Variants in TCF7L2 observed in about 807,000 individuals in gnomAD.
TCF7L2 encodes transcription factor 7-like 2.
In TCF7L2, 23 loss-of-function variants were observed where a neutral mutation model predicts 77.9. The observed-to-expected ratio is 0.30, with a 90% CI of 0.21 to 0.42. The LOEUF (loss-of-function observed/expected upper bound fraction) is 0.42, where lower values mean the gene tolerates loss of function less well. Ranked by LOEUF, TCF7L2 falls within the 10% of genes least tolerant of loss-of-function variation. TCF7L2 has a pLI of 1.00. For missense variants in TCF7L2, 654 were observed against 793.1 expected (o/e 0.82, Z 2.11); for synonymous variants, 413 against 340.2 (o/e 1.21, Z -2.36).
chr10:113,082,372 G>A (rs951708470), intron 5 of TCF7L2, among the ~76,000 whole-genome samples: 12 of 151,080 alleles, frequency 7.9e-5, no homozygotes, highest in Non-Finnish European at 1.5e-4. Flanking sequence ...TCCCTGTACT[G>A]TTTATGATAC....
chr10:113,163,594 T>A (rs2073544686), intron 13 of TCF7L2, among the ~76,000 whole-genome samples: 1 of 152,174 alleles, frequency 6.6e-6, no homozygotes, highest in Non-Finnish European at 1.5e-5. Flanking sequence ...TTTAAAACTC[T>A]GAGAGGCTTA....
At chr10:113,027,397 G>A (rs182468430) in intron 4 of TCF7L2, among the ~76,000 whole-genome samples, 5 of 152,242 alleles carry the variant, frequency 3.3e-5, no homozygotes, top group African/African-American at 9.6e-5. Flanking sequence ...GCCTGTCAAC[G>A]ATTCTCTCTC....
chr10:112,970,007 T>C (rs1280656203), intron 4 of TCF7L2, among the ~76,000 whole-genome samples: 1 of 152,224 alleles, frequency 6.6e-6, no homozygotes, highest in African/African-American at 2.4e-5. Flanking sequence ...TTGGAAGGGC[T>C]ACTTCTGAGC....
chr10:113,109,191 G>A (rs936070714), intron 5 of TCF7L2, among the ~76,000 whole-genome samples: 15 of 152,304 alleles, frequency 9.8e-5, no homozygotes, highest in African/African-American at 3.6e-4. Context: ...TTGACTTGAA[G>A]GGGATTTAGC....
At chr10:113,161,765 C>G (rs542051083) in intron 13 of TCF7L2, among the ~76,000 whole-genome samples, 1 of 152,218 alleles carries the variant, frequency 6.6e-6, no homozygotes, top group East Asian at 1.9e-4. Context: ...TCTCTTCCCC[C>G]CTTCTCTGAT....
intron 4 of TCF7L2, among the ~76,000 whole-genome samples, chr10:112,997,942 T>A (rs1022854770): frequency 6.6e-6 from 1 of 152,142 alleles, no homozygotes; most frequent in Non-Finnish European, 1.5e-5. Flanking sequence ...CTAAGTGTAT[T>A]ACAACCCCGT....
rs1336129329 is a variant in TCF7L2, at chr10:113,166,756, C to A, written c.*784C>A. ...CATAAGCATCTTATATATAACAACTCATTTGTACAAGGTTTTTAAGTTTAT... is the reference window on the plus strand; with the variant it reads ...CATAAGCATCTTATATATAACAACTAATTTGTACAAGGTTTTTAAGTTTAT... On this transcript the variant is annotated 3_prime_UTR_variant, in exon 14 of 14. Coordinates refer to ENST00000627217, the MANE Select transcript of TCF7L2 (RefSeq NM_001146274.2). 1 of 228,206 alleles carries A rather than the reference C, an allele frequency of 4.4e-6. No individual in the cohort carries two copies. The allele number at this position is 228,206 out of a possible 1,614,324, so 14.1% of individuals were successfully genotyped here. A position where few individuals can be genotyped will look rare whatever the true frequency, so the allele number is the denominator to read the frequency against.
At chr10:113,089,938 G>A (rs1271209149) in intron 5 of TCF7L2, among the ~76,000 whole-genome samples, 1 of 152,160 alleles carries the variant, frequency 6.6e-6, no homozygotes, top group Admixed American at 6.5e-5. Context: ...CCTCAACTTT[G>A]CCTTCGTTAC....
At chr10:113,129,631 G>A in intron 5 of TCF7L2, 1 of 1,175,182 alleles carries the variant, frequency 8.5e-7, no homozygotes, top group Non-Finnish European at 1.1e-6. Flanking sequence ...GGCAATATGA[G>A]CGACAACTTT....
intron 5 of TCF7L2, among the ~76,000 whole-genome samples, chr10:113,118,547 GTGTGTGTT>G: frequency 6.6e-6 from 1 of 151,760 alleles, no homozygotes; most frequent in East Asian, 1.9e-4. Context: ...GTGTGTGTGT[GTGTGTGTT>G]TGTTCACCTA....
chr10:113,003,615 A>G (rs1263705888), intron 4 of TCF7L2, among the ~76,000 whole-genome samples: 1 of 152,202 alleles, frequency 6.6e-6, no homozygotes, highest in South Asian at 2.1e-4. Flanking sequence ...GAACTCATCT[A>G]TCAAGATAAC....
At chr10:112,991,615 C>G (rs2042566019) in intron 4 of TCF7L2, among the ~76,000 whole-genome samples, 1 of 152,132 alleles carries the variant, frequency 6.6e-6, no homozygotes, top group Non-Finnish European at 1.5e-5. Context: ...GGCTCAGAGG[C>G]TGCTACAGGG....
rs990782406 is a variant in TCF7L2, at chr10:113,151,279, A to G, written c.1001+156A>G. 6.6e-6 allele frequency among the ~76,000 whole-genome samples: 1 copy of G among 152,046 alleles called. No homozygotes were observed. The highest frequency in any genetic ancestry group is 1.5e-5 in the Non-Finnish European group (1 of 67,994). On this transcript the variant is annotated intron_variant, in intron 9 of 13. Transcript: ENST00000627217. This position sits in a 1 kb window ranked among gnomAD's most constrained non-coding sequence, Gnocchi z 5.2. ...GTGGGCTCTTCACTCCCTTACAAAGAGAGAGAGAGTGCACAGTGGCAGAAT... is the reference window on the plus strand; with the variant it reads ...GTGGGCTCTTCACTCCCTTACAAAGGGAGAGAGAGTGCACAGTGGCAGAAT...
At chr10:113,059,993 G>A (rs1326032320) in intron 5 of TCF7L2, among the ~76,000 whole-genome samples, 1 of 152,126 alleles carries the variant, frequency 6.6e-6, no homozygotes, top group Non-Finnish European at 1.5e-5. Flanking sequence ...AAAGCTTGCT[G>A]GCATGTAGAT....
chr10:113,099,771 C>G (rs192385639), intron 5 of TCF7L2, among the ~76,000 whole-genome samples: 1 of 151,848 alleles, frequency 6.6e-6, no homozygotes, highest in East Asian at 1.9e-4. Context: ...CAATTCCTGT[C>G]TTTGTAATTA....
At chr10:112,984,393 T>C (rs573369098) in intron 4 of TCF7L2, among the ~76,000 whole-genome samples, 4 of 152,274 alleles carry the variant, frequency 2.6e-5, no homozygotes, top group African/African-American at 9.6e-5. Context: ...CTCCCCTCCT[T>C]TACTCTAATT....
chr10:113,072,482 G>A (rs1240613552), intron 5 of TCF7L2, among the ~76,000 whole-genome samples: 1 of 152,178 alleles, frequency 6.6e-6, no homozygotes, highest in African/African-American at 2.4e-5. Flanking sequence ...AGCCTCCTGA[G>A]TAGCTGGGAT....
chr10:113,098,963 A>G (rs111307883), intron 5 of TCF7L2, among the ~76,000 whole-genome samples: 14 of 152,200 alleles, frequency 9.2e-5, no homozygotes, highest in African/African-American at 2.2e-4. Context: ...TCCAGGGCCA[A>G]TTTTTCACTG....
rs369572555 is a variant in TCF7L2 at position 113,150,989 on chromosome 10, G to A, written c.876-9G>A. The A allele has an allele frequency of 2.5e-5, 40 of 1,612,368 alleles. No homozygotes were observed. The highest frequency in any genetic ancestry group is 1.5e-4 in the African/African-American group (11 of 74,352). On this transcript the variant is annotated splice_polypyrimidine_tract_variant and intron_variant, in intron 8 of 13. Coordinates refer to ENST00000627217, the MANE Select transcript of TCF7L2 (RefSeq NM_001146274.2). ...ATTCTGACGATTTACACAGCTTTCT[G>A]TCTTCTAGGTTCCCTCCCCATATGG...
Sources: gnomAD v4.1 joint callset for allele counts (sites outside exome capture counted in the v4.1 genomes callset) on GRCh38, gnomAD v4.1.1 for gene constraint, Gnocchi (gnomAD v3.1) non-coding constraint, MANE v1.5 for transcripts, NCBI Gene and HGNC (gene_info 2026-07-23, HGNC 2026-07-21) for gene names.